KCNH7: variants seen among roughly 807,000 people sequenced by gnomAD.
KCNH7 encodes voltage-gated inwardly rectifying potassium channel KCNH7.
Under a neutral mutation model 120.8 loss-of-function variants are expected in KCNH7, and 49 were observed. That is an observed-to-expected ratio of 0.41 (90% CI 0.32 to 0.51). KCNH7 has a LOEUF of 0.51. Ranked by LOEUF, KCNH7 falls within the 20% of genes least tolerant of loss-of-function variation. The pLI, the probability that KCNH7 is intolerant of heterozygous loss-of-function variation, is 0.38. For missense variants in KCNH7, 1,097 were observed against 1,446.6 expected (o/e 0.76, Z 3.92); for synonymous variants, 547 against 516.1 (o/e 1.06, Z -0.81).
chr2:162,402,403 A>G (rs1225791805), intron 9 of KCNH7, among the ~76,000 whole-genome samples: 1 of 146,026 alleles, frequency 6.8e-6, no homozygotes, highest in Non-Finnish European at 1.5e-5. Context: ...GGGGGCCAGC[A>G]TTTTAGAGTG....
chr2:162,394,300 T>C, intron 12 of KCNH7, 89 bp downstream of exon 12: 1 of 795,358 alleles, frequency 1.3e-6, no homozygotes, highest in South Asian at 1.4e-5. Flanking sequence ...TAAAATATAC[T>C]CTTGAAGTCA....
intron 2 of KCNH7, among the ~76,000 whole-genome samples, chr2:162,737,310 C>T (rs1687948789): frequency 6.6e-6 from 1 of 152,030 alleles, no homozygotes; most frequent in Admixed American, 6.6e-5. Context: ...CCTGTTCATG[C>T]TTATAGATCA....
chr2:162,419,517 G>A (rs1687638292), intron 9 of KCNH7, among the ~76,000 whole-genome samples: 1 of 152,056 alleles, frequency 6.6e-6, no homozygotes, highest in Admixed American at 6.6e-5. Flanking sequence ...ACTTGTCCAA[G>A]AGTAGTGGCA....
chr2:162,546,714 A>T (rs13385350), intron 2 of KCNH7, among the ~76,000 whole-genome samples: 14,506 of 152,182 alleles, frequency 0.095, 2,152 homozygotes, highest in African/African-American at 0.31. Flanking sequence ...TGTGAGCCTA[A>T]TTCATAGCTT....
chr2:162,689,038 C>T (rs997465358), intron 2 of KCNH7, among the ~76,000 whole-genome samples: 2 of 152,044 alleles, frequency 1.3e-5, no homozygotes, highest in Admixed American at 6.6e-5. Flanking sequence ...TTGCCCAAGT[C>T]ACTTTCTGGC....
At chr2:162,795,012 A>G (rs1684087499) in intron 2 of KCNH7, among the ~76,000 whole-genome samples, 1 of 152,064 alleles carries the variant, frequency 6.6e-6, no homozygotes, top group African/African-American at 2.4e-5. Context: ...AGTCTTAACT[A>G]TTTGACCAGT....
intron 2 of KCNH7, among the ~76,000 whole-genome samples, chr2:162,781,802 A>C (rs1683503369): frequency 6.6e-6 from 1 of 152,246 alleles, no homozygotes; most frequent in African/African-American, 2.4e-5. Flanking sequence ...TTAATTCAAG[A>C]CTTCAAGCAG....
chr2:162,713,135 GT>G (rs1222353546), intron 2 of KCNH7, among the ~76,000 whole-genome samples: 1 of 152,138 alleles, frequency 6.6e-6, no homozygotes, highest in African/African-American at 2.4e-5. Context: ...AGGCTGGTCT[GT>G]TGGCCAGGCT....
At chr2:162,430,065 G>A (rs1688015046) in intron 8 of KCNH7, among the ~76,000 whole-genome samples, 1 of 151,622 alleles carries the variant, frequency 6.6e-6, no homozygotes, top group Non-Finnish European at 1.5e-5. Context: ...AAAAAAGTTA[G>A]ATGTTCTTGC....
chr2:162,658,132 G>T (rs537528696), intron 2 of KCNH7, among the ~76,000 whole-genome samples: 91 of 151,596 alleles, frequency 6.0e-4, no homozygotes, highest in African/African-American at 2.0e-3. Context: ...AACCAGGAAG[G>T]GGGTGCTTAC....
At chr2:162,413,693 T>G (rs961523600) in intron 9 of KCNH7, among the ~76,000 whole-genome samples, 4 of 151,564 alleles carry the variant, frequency 2.6e-5, no homozygotes, top group Admixed American at 6.6e-5. Flanking sequence ...AAATGACTCA[T>G]ATATTCCAAA....
chr2:162,556,232 G>T (rs564168204), intron 2 of KCNH7, among the ~76,000 whole-genome samples: 1 of 152,146 alleles, frequency 6.6e-6, no homozygotes, highest in South Asian at 2.1e-4. Flanking sequence ...AATGTTTGTT[G>T]AATACCTACT....
chr2:162,443,858 T>C lies in KCNH7; in HGVS notation c.1554+2160A>G, dbSNP rs564591832. Among the ~76,000 whole-genome samples, 6 of 152,332 alleles carry C rather than the reference T, an allele frequency of 3.9e-5. No homozygotes were observed. The South Asian group carries it at 1.2e-3, about 32-fold the overall frequency. ...TTCTCAAACCTTAGCATTCCACCTC[T>C]TACTGTGTGGTTCAGCCTGGCAGCC... On this transcript the variant is annotated intron_variant, in intron 7 of 15. Transcript: ENST00000332142.
intron 5 of KCNH7, among the ~76,000 whole-genome samples, chr2:162,511,480 C>CAAAAAAAA (rs34204046): frequency 1.0e-5 from 1 of 96,008 alleles, no homozygotes; most frequent in African/African-American, 3.8e-5. Context: ...GTGGACAGGT[C>CAAAAAAAA]AAAAAAAAAA....
intron 2 of KCNH7, among the ~76,000 whole-genome samples, chr2:162,647,163 T>C (rs1684390532): frequency 1.3e-5 from 2 of 152,168 alleles, no homozygotes. Context: ...GGCATGGGTG[T>C]CATGTTAATT....
chr2:162,770,706 T>G (rs1399993400), intron 2 of KCNH7, among the ~76,000 whole-genome samples: 1 of 151,258 alleles, frequency 6.6e-6, no homozygotes, highest in Non-Finnish European at 1.5e-5. Flanking sequence ...TTTCACCTTT[T>G]CTCTTCCTCT....
chr2:162,669,663 C>A (rs1376129560), intron 2 of KCNH7, among the ~76,000 whole-genome samples: 2 of 152,112 alleles, frequency 1.3e-5, no homozygotes, highest in Non-Finnish European at 2.9e-5. Flanking sequence ...CATTTCTGAT[C>A]ATAATAACTG....
At chr2:162,680,706 G>A (rs977935567) in intron 2 of KCNH7, among the ~76,000 whole-genome samples, 19 of 151,804 alleles carry the variant, frequency 1.3e-4, no homozygotes, top group Admixed American at 1.1e-3. Context: ...CTTGGGTTTC[G>A]TTCACTTATT....
chr2:162,752,912 A>AGAAAT, intron 2 of KCNH7, among the ~76,000 whole-genome samples: 4 of 46,630 alleles, frequency 8.6e-5, no homozygotes, highest in African/African-American at 1.2e-4. Context: ...GAAAAAGAAA[A>AGAAAT]GAAAAGAAAA....
Sources: allele counts gnomAD v4.1 joint callset (sites outside exome capture counted in the v4.1 genomes callset), GRCh38; gene constraint gnomAD v4.1.1; transcripts MANE v1.5; gene names NCBI Gene and HGNC (gene_info 2026-07-23, HGNC 2026-07-21).